CYP4F22: variants seen among roughly 807,000 people sequenced by gnomAD.
CYP4F22 encodes ultra-long-chain fatty acid omega-hydroxylase.
CYP4F22 carries 37 observed loss-of-function variants against 60.4 expected under a neutral mutation model. That is an observed-to-expected ratio of 0.61 (90% confidence interval 0.47 to 0.81). CYP4F22 has a LOEUF of 0.81. Ranked by LOEUF, CYP4F22 falls within the 30% of genes least tolerant of loss-of-function variation. The pLI is 0.00. For missense variants in CYP4F22, 655 were observed against 715.0 expected (o/e 0.92, Z 0.96); for synonymous variants, 258 against 280.5 (o/e 0.92, Z 0.80).
At chr19:15,535,690 A>C (rs2144525576) in intron 4 of CYP4F22, among the ~76,000 whole-genome samples, 1 of 151,832 alleles carries the variant, frequency 6.6e-6, no homozygotes, top group East Asian at 1.9e-4. Context: ...CCACCCACCC[A>C]CCATCTATCC....
Position 15,551,628 on chromosome 19 carries a change from G to A in CYP4F22, c.*157G>A. On this transcript the variant is annotated 3_prime_UTR_variant, in exon 14 of 14. Coordinates refer to ENST00000269703, the MANE Select transcript of CYP4F22 (RefSeq NM_173483.4). ...CGCTGTTGAGCAGCCTGGTGGTACT[G>A]GCCACGCCCCTCAAGGCAAGGCTCC... The A allele has an allele frequency of 2.1e-6, 2 of 935,678 alleles. No homozygotes were observed. The highest frequency in any genetic ancestry group is 2.6e-5 in the East Asian group (1 of 37,774). The allele number at this position is 935,678 out of a possible 1,614,324, so 58.0% of individuals were successfully genotyped here.
At chr19:15,509,078 A>G (rs1227362914) in intron 1 of CYP4F22, among the ~76,000 whole-genome samples, 1 of 152,098 alleles carries the variant, frequency 6.6e-6, no homozygotes, top group Non-Finnish European at 1.5e-5. Context: ...TTCAACTGCT[A>G]TCAGGAACCC....
chr19:15,538,060 G>A, intron 7 of CYP4F22, 67 bp downstream of exon 7: 1 of 1,606,954 alleles, frequency 6.2e-7, no homozygotes, highest in Non-Finnish European at 8.5e-7. Context: ...GCAGGAGAAA[G>A]GGAACTCCCA....
At chr19:15,530,565 T>C (rs1463175367) in intron 4 of CYP4F22, among the ~76,000 whole-genome samples, 1 of 152,142 alleles carries the variant, frequency 6.6e-6, no homozygotes, top group Non-Finnish European at 1.5e-5. Context: ...AGGACTACCC[T>C]AGACTGGGTA....
chr19:15,510,945 C>CATAT (rs1183507990), intron 1 of CYP4F22, among the ~76,000 whole-genome samples: 1,848 of 111,436 alleles, frequency 0.017, 38 homozygotes, highest in Middle Eastern at 0.034. Context: ...ATAGGGATAC[C>CATAT]ATATATATAT....
intron 2 of CYP4F22, among the ~76,000 whole-genome samples, chr19:15,524,180 G>T (rs904735979): frequency 6.6e-6 from 1 of 152,166 alleles, no homozygotes; most frequent in Non-Finnish European, 1.5e-5. Flanking sequence ...ACAGGATGCC[G>T]AGTGAAGGAA....
chr19:15,512,284 A>T (rs1334374380), intron 1 of CYP4F22, among the ~76,000 whole-genome samples: 1 of 152,104 alleles, frequency 6.6e-6, no homozygotes, highest in Non-Finnish European at 1.5e-5. Flanking sequence ...GAGAGCTGAG[A>T]TTTGAACCCA....
rs1205099728 is a variant in CYP4F22, at chr19:15,537,423, C to T, written c.421+9C>T. 20 of 1,614,056 alleles carry T rather than the reference C, an allele frequency of 1.2e-5. No individual in the cohort carries two copies. Among genetic ancestry groups the T allele is most frequent in the Non-Finnish European group, 1.6e-5 (19 of 1,180,030 alleles). Reference sequence around the variant, plus strand: ...CCTAAAACCTTGGCTAGGTGAGTGCCCAGTGGGTAGGCTGGGGCTGGGGCT... The same window carrying T: ...CCTAAAACCTTGGCTAGGTGAGTGCTCAGTGGGTAGGCTGGGGCTGGGGCT... On this transcript the variant is annotated intron_variant, in intron 5 of 13. Coordinates refer to ENST00000269703, the MANE Select transcript of CYP4F22 (RefSeq NM_173483.4).
In CYP4F22 at chr19:15,537,557, A is replaced by G. The variant is rs1971410882; in HGVS notation, c.444A>G (p.Lys148=). 1.2e-6 allele frequency: 2 copies of G among 1,614,050 alleles called. No homozygotes were observed. Among genetic ancestry groups the G allele is most frequent in the African/African-American group, 2.7e-5 (2 of 74,930 alleles). The change falls in exon 6 of 14, where the codon AAA becomes AAG. Residue 148 remains lysine, a synonymous_variant. Transcript: ENST00000269703. ...CAGGGGATGGGCTGCTGCTCAGCAAAGGTGACAAGTGGAGCCGGCACCGTC... is the reference window on the plus strand; with the variant it reads ...CAGGGGATGGGCTGCTGCTCAGCAAGGGTGACAAGTGGAGCCGGCACCGTC... ...PWLGDGLLLS[K]GDKWSRHRRL...
chr19:15,534,716 A>G (rs1971377833), intron 4 of CYP4F22, among the ~76,000 whole-genome samples: 1 of 152,070 alleles, frequency 6.6e-6, no homozygotes, highest in African/African-American at 2.4e-5. Context: ...GAACCTGAGG[A>G]TGAGAGAACA....
intron 3 of CYP4F22, among the ~76,000 whole-genome samples, chr19:15,528,383 G>A (rs759856555): frequency 6.6e-6 from 1 of 152,100 alleles, no homozygotes; most frequent in African/African-American, 2.4e-5. Flanking sequence ...GGGAATTAAC[G>A]CCCCCAGGAG....
chr19:15,529,301 G>A (rs1184414399), intron 3 of CYP4F22, among the ~76,000 whole-genome samples: 1 of 151,788 alleles, frequency 6.6e-6, no homozygotes, highest in African/African-American at 2.4e-5. Context: ...GCTAATTTTT[G>A]TATTTTTAGT....
intron 1 of CYP4F22, among the ~76,000 whole-genome samples, chr19:15,508,848 C>T (rs1477627753): frequency 4.0e-5 from 6 of 150,678 alleles, no homozygotes; most frequent in African/African-American, 1.2e-4. Flanking sequence ...TTTCTGTGTG[C>T]GCCTCGGAGT....
chr19:15,545,579 G>T (rs1971512923), intron 10 of CYP4F22, among the ~76,000 whole-genome samples: 1 of 149,002 alleles, frequency 6.7e-6, no homozygotes, highest in Admixed American at 6.8e-5. Flanking sequence ...AACCCAGGAG[G>T]TGGAGGCTGT....
At position 15,525,593 on chromosome 19, in the gene CYP4F22, G is replaced by A. The variant is rs1300379871; in HGVS notation, c.222+35G>A. 3 of 1,591,812 alleles carry A rather than the reference G, an allele frequency of 1.9e-6. No homozygotes were observed. In the African/African-American group the frequency reaches 4.0e-5, roughly 21 times the overall value. Reference sequence around the variant, plus strand: ...GCCAGGCAGGACTGGGCTGGGCTGGGCTGGGCATGTGCAGGGTAATAGGTA... The same window carrying A: ...GCCAGGCAGGACTGGGCTGGGCTGGACTGGGCATGTGCAGGGTAATAGGTA... On this transcript the variant is annotated intron_variant, in intron 3 of 13. Transcript: ENST00000269703.
intron 4 of CYP4F22, among the ~76,000 whole-genome samples, chr19:15,531,555 C>T (rs773510125): frequency 9.9e-5 from 15 of 152,122 alleles, no homozygotes; most frequent in Non-Finnish European, 1.9e-4. Context: ...TGTTGTCTCC[C>T]GTTATTACAT....
chr19:15,530,676 T>C (rs1049415073), intron 4 of CYP4F22, among the ~76,000 whole-genome samples: 1 of 152,126 alleles, frequency 6.6e-6, no homozygotes, highest in African/African-American at 2.4e-5. Context: ...AACACGTCCT[T>C]CTTCACATGG....
intron 4 of CYP4F22, among the ~76,000 whole-genome samples, chr19:15,530,509 T>G (rs1971331466): frequency 6.6e-6 from 1 of 152,174 alleles, no homozygotes; most frequent in Non-Finnish European, 1.5e-5. Context: ...ATCCTCAGTG[T>G]GGCCTTGTGT....
At chr19:15,539,793 C>G (rs939292137) in intron 7 of CYP4F22, among the ~76,000 whole-genome samples, 2 of 152,104 alleles carry the variant, frequency 1.3e-5, no homozygotes, top group African/African-American at 4.8e-5. Flanking sequence ...TGGAGTGCAG[C>G]CCAACACTTG....
Sources: gnomAD v4.1 joint callset for allele counts (sites outside exome capture counted in the v4.1 genomes callset) on GRCh38, gnomAD v4.1.1 for gene constraint, MANE v1.5 for transcripts, NCBI Gene and HGNC (gene_info 2026-07-23, HGNC 2026-07-21) for gene names.